Variants in MICAL1 observed in about 807,000 individuals in gnomAD.
MICAL1 encodes the protein microtubule associated monooxygenase, calponin and LIM domain containing 1.
A neutral mutation model predicts 131.8 loss-of-function variants in MICAL1; 95 were observed. That is an observed-to-expected ratio of 0.72 (90% CI 0.61 to 0.86). MICAL1 has a LOEUF of 0.86. Among genes scored for constraint, MICAL1 ranks in the 40% least tolerant of loss-of-function variants. The pLI is 0.00. For synonymous variants in MICAL1, 546 were observed against 554.2 expected (o/e 0.99, Z 0.21); for missense variants, 1,292 against 1,380.6 (o/e 0.94, Z 1.02).
chr6:109,450,826 C>G lies in MICAL1; in HGVS notation c.934-269G>C, dbSNP rs564983752. Reference sequence around the variant, plus strand: ...TACTGTCATATACTTGCCACAAACTCAAGAGCTTTAGTTTGTCCATCACTT... The same window carrying G: ...TACTGTCATATACTTGCCACAAACTGAAGAGCTTTAGTTTGTCCATCACTT... On this transcript the variant is annotated intron_variant, in intron 7 of 24. Coordinates refer to ENST00000358807, the MANE Select transcript of MICAL1 (RefSeq NM_022765.4). Among the ~76,000 whole-genome samples the G allele has an allele frequency of 4.6e-5, 7 of 152,294 alleles. No homozygotes were observed. In the South Asian group the frequency reaches 1.4e-3, roughly 32 times the overall value.
chr6:109,455,699 G>C lies in MICAL1; in HGVS notation c.-44+20C>G, dbSNP rs1304334622. On this transcript the variant is annotated intron_variant, in intron 1 of 24. Transcript: ENST00000358807. The surrounding 1 kb of genome is among the most constrained non-coding windows in gnomAD (Gnocchi z 4.7). ...CCACCCGGCCGCGGGGCTCGCAGCC[G>C]GCTCCGCTGGACGACTTACCGGCGG... The C allele has an allele frequency of 3.0e-6, 3 of 984,780 alleles. No homozygotes were observed. Among genetic ancestry groups the C allele is most frequent in the Admixed American group, 6.2e-5 (1 of 16,250 alleles). 61.0% of individuals were successfully genotyped at this position (984,780 alleles called of 1,614,324 possible).
chr6:109,458,394 G>A (rs1272772503), upstream of MICAL1, among the ~76,000 whole-genome samples: 1 of 152,068 alleles, frequency 6.6e-6, no homozygotes, highest in South Asian at 2.1e-4. Flanking sequence ...TCGGGAGTTC[G>A]AGACCAGCCT....
Position 109,453,790 on chromosome 6 carries a change from A to G in MICAL1, c.314T>C (p.Leu105Pro). 1 of 1,613,756 alleles carries G rather than the reference A, an allele frequency of 6.2e-7. No homozygotes were observed. The highest frequency in any genetic ancestry group is 8.5e-7 in the Non-Finnish European group (1 of 1,180,018). Residue 105 changes from leucine (L) to proline (P), a missense_variant, in exon 3 of 25, where the codon CTG becomes CCG. By Grantham distance (98) the Leu-to-Pro change is moderately conservative. Transcript: ENST00000358807. Reference protein sequence around the residue: ...CGLRVAVELALLGARVVLVEK... With the variant: ...CGLRVAVELAPLGARVVLVEK... ...CACCAGCACCACTCGGGCCCCCAGC[A>G]GCGCCAGCTCCACAGCGACCCGCAG...
chr6:109,463,832 T>G (rs1775967065), intron 1 of MICAL1: 1 of 152,258 alleles, frequency 6.6e-6, no homozygotes, highest in Non-Finnish European at 1.5e-5. Flanking sequence ...CATTTTCACC[T>G]GCTTCTTTTT....
In MICAL1 at chr6:109,444,913, C is replaced by G. The variant is rs1180413451; in HGVS notation, c.2964G>C (p.Glu988Asp). Residue 988 changes from glutamate to aspartate, a missense_variant, in exon 23 of 25, where the codon GAG becomes GAC. Coordinates refer to ENST00000358807, the MANE Select transcript of MICAL1 (RefSeq NM_022765.4). ...CCCCTTACGTGATCATGAGCTCGGCCTCCTCAGCCACCAGGCTGTTTTTCT... is the reference window on the plus strand; with the variant it reads ...CCCCTTACGTGATCATGAGCTCGGCGTCCTCAGCCACCAGGCTGTTTTTCT... ...VDKKNSLVAE[E>D]AELMITVQEL... The G allele has an allele frequency of 6.2e-7, 1 of 1,614,198 alleles. No homozygotes were observed. The highest frequency in any genetic ancestry group is 8.5e-7 in the Non-Finnish European group (1 of 1,180,040).
chr6:109,446,036 C>T (rs1314367911), intron 19 of MICAL1, 100 bp downstream of exon 19: 1 of 1,479,300 alleles, frequency 6.8e-7, no homozygotes. Context: ...GGCCTGGGAT[C>T]CCCACAACTT....
chr6:109,451,236 T>C (rs1775528378), intron 7 of MICAL1, among the ~76,000 whole-genome samples: 2 of 151,422 alleles, frequency 1.3e-5, no homozygotes, highest in African/African-American at 4.9e-5. Context: ...TCACTGCAAC[T>C]TCCGCCTCCC....
At chr6:109,463,888 G>A (rs1020284598) in intron 1 of MICAL1, 1 of 152,130 alleles carries the variant, frequency 6.6e-6, no homozygotes, top group Admixed American at 6.6e-5. Flanking sequence ...GACCTATGTT[G>A]TTCATGTTAT....
Position 109,444,087 on chromosome 6 carries a change from A to C in MICAL1, c.*104T>G. ...TTTGTGGCAGAAACATTTTAATTGT[A>C]AACAGCAAGGCTCTCTGCCAGGCAG... On this transcript the variant is annotated 3_prime_UTR_variant, in exon 25 of 25. Coordinates refer to ENST00000358807, the MANE Select transcript of MICAL1 (RefSeq NM_022765.4). 1 of 1,508,458 alleles carries C rather than the reference A, an allele frequency of 6.6e-7. No homozygotes were observed. The highest frequency in any genetic ancestry group is 2.3e-5 in the East Asian group (1 of 44,156). 93.4% of individuals were successfully genotyped at this position (1,508,458 alleles called of 1,614,324 possible). A position where few individuals can be genotyped will look rare whatever the true frequency, so the allele number is the denominator to read the frequency against.
chr6:109,446,015 G>C, intron 19 of MICAL1, 121 bp downstream of exon 19: 2 of 1,470,088 alleles, frequency 1.4e-6, no homozygotes, highest in Non-Finnish European at 1.8e-6. Context: ...GAGCAGAGGA[G>C]AGGCTGCCAC....
chr6:109,447,302 C>T (rs977918489), intron 16 of MICAL1, 55 bp downstream of exon 16: 27 of 1,613,884 alleles, frequency 1.7e-5, no homozygotes, highest in Admixed American at 3.3e-5. Context: ...TCCCATGAAA[C>T]GCCCCTGCCC....
At chr6:109,448,509 G>C in intron 12 of MICAL1, 116 bp from the exon 13 acceptor site, 1 of 1,325,896 alleles carries the variant, frequency 7.5e-7, no homozygotes, top group Non-Finnish European at 1.1e-6. Flanking sequence ...AAGAAGGCTT[G>C]AAGGTAGGTG....
intron 7 of MICAL1, among the ~76,000 whole-genome samples, chr6:109,450,982 G>A (rs925817844): frequency 1.2e-4 from 18 of 152,052 alleles, no homozygotes; most frequent in African/African-American, 4.1e-4. Context: ...TACATACCGA[G>A]CGCTTACTAT....
rs770312041 is a variant in MICAL1, at chr6:109,446,697, G to T, written c.2303C>A (p.Pro768Gln). 1.4e-5 allele frequency: 22 copies of T among 1,613,226 alleles called. No individual in the cohort carries two copies. Among genetic ancestry groups the T allele is most frequent in the Non-Finnish European group, 9.3e-6 (11 of 1,179,640 alleles). ...TACATACACGCCTTCAGTCTTTACC[G>T]GACTCTCAGGGCCTCTATCGCTGCC... ...AEGSDRGPES[P>Q]ELPTPSENSM... The change falls in exon 18 of 25, where the codon CCG (proline) becomes CAG (glutamine). Residue 768 changes from proline (P) to glutamine (Q), a missense_variant and splice_region_variant. Transcript: ENST00000358807.
chr6:109,447,872 C>T lies in MICAL1; in HGVS notation c.1944+3G>A. 2.5e-6 allele frequency: 4 copies of T among 1,613,202 alleles called. No individual in the cohort carries two copies. The highest frequency in any genetic ancestry group is 3.4e-6 in the Non-Finnish European group (4 of 1,179,548). On this transcript the variant is annotated splice_donor_region_variant and intron_variant, in intron 14 of 24. Coordinates refer to ENST00000358807, the MANE Select transcript of MICAL1 (RefSeq NM_022765.4). ...CAGCTCCAGCCCTGCCTAAACTCTC[C>T]ACCTTGGCCCGGGATCGCTGCAGGG... is the stretch of plus-strand genomic sequence containing the variant.
At chr6:109,465,296 A>T (rs1231270674) in intron 1 of MICAL1, 1 of 253,288 alleles carries the variant, frequency 3.9e-6, no homozygotes, top group Non-Finnish European at 7.6e-6. Context: ...CATAAAGATA[A>T]AACGTTGAGG....
intron 1 of MICAL1, chr6:109,465,099 CTTAA>C (rs1284218421): frequency 2.0e-5 from 3 of 152,174 alleles, no homozygotes; most frequent in Non-Finnish European, 4.4e-5. Flanking sequence ...GTATTTTAAA[CTTAA>C]TTAAAATTTT....
At position 109,448,835 on chromosome 6, in the gene MICAL1, G is replaced by T; in HGVS notation, c.1561C>A (p.Gln521Lys). The T allele has an allele frequency of 6.2e-7, 1 of 1,614,024 alleles. No homozygotes were observed. Among genetic ancestry groups the T allele is most frequent in the Non-Finnish European group, 8.5e-7 (1 of 1,180,004 alleles). ...QEELLRWCQE[Q>K]TAGYPGVHVS... Reference sequence around the variant, plus strand: ...TGGACTCCCGGGTACCCAGCTGTCTGCTCCTGGCACCAGCGTAGCAGCTCC... The same window carrying T: ...TGGACTCCCGGGTACCCAGCTGTCTTCTCCTGGCACCAGCGTAGCAGCTCC... The change falls in exon 12 of 25, where the codon CAG becomes AAG. Residue 521 changes from glutamine (Q) to lysine (K), a missense_variant. Transcript: ENST00000358807.
At chr6:109,458,697 C>T (rs1206900309), upstream of MICAL1, among the ~76,000 whole-genome samples, 1 of 152,220 alleles carries the variant, frequency 6.6e-6, no homozygotes, top group African/African-American at 2.4e-5. Flanking sequence ...GATCCTCCTT[C>T]CTCTGCCCCA....
Sources: gnomAD v4.1 joint callset for allele counts (sites outside exome capture counted in the v4.1 genomes callset) on GRCh38, gnomAD v4.1.1 for gene constraint, Gnocchi (gnomAD v3.1) non-coding constraint, MANE v1.5 for transcripts, NCBI Gene and HGNC (gene_info 2026-07-23, HGNC 2026-07-21) for gene names.